DPP6: variants seen among roughly 807,000 people sequenced by gnomAD.
The protein encoded by DPP6 is dipeptidyl peptidase like 6.
Under a neutral mutation model 122.6 loss-of-function variants are expected in DPP6, and 69 were observed. That is an observed-to-expected ratio of 0.56 (90% CI 0.46 to 0.69). The LOEUF is 0.69. Among genes scored for constraint, DPP6 ranks in the 30% least tolerant of loss-of-function variants. DPP6 has a pLI of 0.00. For missense variants in DPP6, 928 were observed against 1,116.9 expected (o/e 0.83, Z 2.41); for synonymous variants, 418 against 433.1 (o/e 0.97, Z 0.43).
Position 154,162,680 on chromosome 7 carries a change from G to C in DPP6, c.243+109617G>C, listed in dbSNP as rs116693682. ...GGAATTTAACACCTGGAATCTGTGTGTTGCTAGTGTTGAGTGGAACTCAAC... is the reference window on the plus strand; with the variant it reads ...GGAATTTAACACCTGGAATCTGTGTCTTGCTAGTGTTGAGTGGAACTCAAC... On this transcript the variant is annotated intron_variant, in intron 1 of 25. Transcript: ENST00000377770. Among the ~76,000 whole-genome samples the C allele has an allele frequency of 8.7e-3, 1,316 of 152,122 alleles. 23 individuals carry two copies. Among genetic ancestry groups the C allele is most frequent in the African/African-American group, 0.028 (1,165 of 41,488 alleles).
At chr7:154,016,813 A>C (rs1208654150) in intron 1 of DPP6, among the ~76,000 whole-genome samples, 1 of 152,144 alleles carries the variant, frequency 6.6e-6, no homozygotes, top group Non-Finnish European at 1.5e-5. Flanking sequence ...TCTCCAATAA[A>C]AGCCACTTCA....
chr7:154,168,376 A>G (rs988100990), intron 1 of DPP6, among the ~76,000 whole-genome samples: 2 of 152,200 alleles, frequency 1.3e-5, no homozygotes, highest in Admixed American at 6.5e-5. Context: ...TCACCCTGCT[A>G]GGGCCTACTG....
intron 1 of DPP6, among the ~76,000 whole-genome samples, chr7:154,110,358 T>C (rs2533712): frequency 2.6e-5 from 4 of 152,288 alleles, no homozygotes; most frequent in Admixed American, 6.5e-5. Context: ...TTGTGTTACA[T>C]GAAACAGAAA....
chr7:153,920,021 G>C (rs1357567264), intron 1 of DPP6, among the ~76,000 whole-genome samples: 2 of 152,184 alleles, frequency 1.3e-5, no homozygotes, highest in African/African-American at 2.4e-5. Context: ...TTTTACTTCT[G>C]CCTGAGGCCA....
chr7:154,567,969 T>A (rs193150147), intron 5 of DPP6, among the ~76,000 whole-genome samples: 49 of 152,382 alleles, frequency 3.2e-4, no homozygotes, highest in African/African-American at 1.1e-3. Context: ...GTAGATTTTT[T>A]TGGACTCTGT....
At chr7:154,412,390 G>A (rs1816677852) in intron 1 of DPP6, among the ~76,000 whole-genome samples, 1 of 152,112 alleles carries the variant, frequency 6.6e-6, no homozygotes, top group African/African-American at 2.4e-5. Flanking sequence ...CCAGCTTCTG[G>A]CTGGGTCCTC....
intron 8 of DPP6, among the ~76,000 whole-genome samples, chr7:154,758,317 GC>G (rs1387298384): frequency 2.6e-5 from 4 of 152,016 alleles, no homozygotes; most frequent in Non-Finnish European, 5.9e-5. Context: ...AGGACCACAT[GC>G]CTTGTATGTC....
intron 1 of DPP6, among the ~76,000 whole-genome samples, chr7:153,975,041 G>A (rs1422404898): frequency 1.3e-5 from 2 of 152,142 alleles, no homozygotes; most frequent in African/African-American, 2.4e-5. Context: ...TTAATTCAAT[G>A]TTCCTCTTTA....
Position 154,802,078 on chromosome 7 carries a change from G to A in DPP6, c.1407+616G>A, listed in dbSNP as rs573826499. Among the ~76,000 whole-genome samples the A allele has an allele frequency of 3.9e-5, 6 of 152,222 alleles. No individual in the cohort carries two copies. The East Asian group carries it at 1.2e-3, about 29-fold the overall frequency. On this transcript the variant is annotated intron_variant, in intron 13 of 25. Coordinates refer to ENST00000377770, the MANE Select transcript of DPP6 (RefSeq NM_130797.4). Reference sequence around the variant, plus strand: ...GGTCACCTCAGGGAGCCTCACGCCTGCAGGACGGGGCTGCCATGGTGTTGA... The same window carrying A: ...GGTCACCTCAGGGAGCCTCACGCCTACAGGACGGGGCTGCCATGGTGTTGA...
chr7:154,651,824 C>T (rs1412125185), intron 6 of DPP6, among the ~76,000 whole-genome samples: 1 of 152,150 alleles, frequency 6.6e-6, no homozygotes, highest in African/African-American at 2.4e-5. Context: ...CCTCCAGCTG[C>T]GGTCTGTGCC....
At chr7:154,784,305 C>T (rs2150408811) in intron 10 of DPP6, among the ~76,000 whole-genome samples, 1 of 152,234 alleles carries the variant, frequency 6.6e-6, no homozygotes, top group Middle Eastern at 3.4e-3. Context: ...ACCTCGGCCC[C>T]AGCTGTGCGG....
At chr7:154,297,595 G>T (rs535880880) in intron 1 of DPP6, among the ~76,000 whole-genome samples, 61 of 152,318 alleles carry the variant, frequency 4.0e-4, no homozygotes, top group South Asian at 3.1e-3. Flanking sequence ...GACTTGGACT[G>T]TATCAATTTT....
intron 1 of DPP6, among the ~76,000 whole-genome samples, chr7:153,902,456 C>G (rs1025163021): frequency 6.6e-6 from 1 of 152,122 alleles, no homozygotes; most frequent in African/African-American, 2.4e-5. Context: ...GGTTCCAGAT[C>G]TTTGGGAACA....
chr7:153,759,111 A>G, the DPP6 span, among the ~76,000 whole-genome samples: 19 of 151,940 alleles, frequency 1.3e-4, no homozygotes, highest in Admixed American at 6.6e-4. Flanking sequence ...TTAAATTTGT[A>G]TTTTGCAATG....
chr7:154,185,368 C>A (rs1486525201), intron 1 of DPP6, among the ~76,000 whole-genome samples: 1 of 152,046 alleles, frequency 6.6e-6, no homozygotes, highest in Non-Finnish European at 1.5e-5. Flanking sequence ...GTAAAGAATT[C>A]TTTCCTGAAT....
intron 1 of DPP6, among the ~76,000 whole-genome samples, chr7:153,912,067 G>A (rs1800113252): frequency 6.6e-6 from 1 of 152,038 alleles, no homozygotes; most frequent in Admixed American, 6.6e-5. Flanking sequence ...CATCCCCAGT[G>A]GTGTCTGAGG....
At chr7:154,842,169 A>C (rs1204885514) in intron 16 of DPP6, among the ~76,000 whole-genome samples, 1 of 152,216 alleles carries the variant, frequency 6.6e-6, no homozygotes, top group Non-Finnish European at 1.5e-5. Context: ...GCTCGGCCAG[A>C]GCCTGCCTCT....
rs528096008 is a variant in DPP6 at position 154,859,402 on chromosome 7, T to TGTTACAG, written c.1714+5577_1714+5583dup. On this transcript the variant is annotated intron_variant, in intron 17 of 25. Transcript: ENST00000377770. Reference sequence around the variant, plus strand: ...GGCAGCTGAGGTGTGGCCCACGTTCTGTTACAGGGCAGAGCCTCGGCACTG... The same window carrying TGTTACAG: ...GGCAGCTGAGGTGTGGCCCACGTTCTGTTACAGGTTACAGGGCAGAGCCTCGGCACTG... Among the ~76,000 whole-genome samples the TGTTACAG allele has an allele frequency of 7.8e-4, 119 of 152,354 alleles. 1 individual carries two copies. Among genetic ancestry groups the TGTTACAG allele is most frequent in the African/African-American group, 2.5e-3 (104 of 41,590 alleles).
intron 17 of DPP6, among the ~76,000 whole-genome samples, chr7:154,860,183 G>A (rs1426080479): frequency 2.6e-5 from 4 of 152,128 alleles, no homozygotes; most frequent in South Asian, 2.1e-4. Context: ...GCTGCTGGGC[G>A]CACCCCTGCC....
Sources: gnomAD v4.1 joint callset for allele counts (sites outside exome capture counted in the v4.1 genomes callset) on GRCh38, gnomAD v4.1.1 for gene constraint, MANE v1.5 for transcripts, NCBI Gene and HGNC (gene_info 2026-07-23, HGNC 2026-07-21) for gene names.